Variants in CACNA2D3 observed in about 807,000 individuals in gnomAD.
CACNA2D3 encodes calcium voltage-gated channel auxiliary subunit alpha2delta 3, also known as voltage-dependent calcium channel subunit alpha-2/delta-3.
In CACNA2D3, 60 loss-of-function variants were observed where a neutral mutation model predicts 160.6. The observed-to-expected ratio is 0.37, with a 90% CI of 0.30 to 0.46. The LOEUF is 0.46. Ranked by LOEUF, CACNA2D3 falls within the 20% of genes least tolerant of loss-of-function variation. The pLI is 1.00. For synonymous variants in CACNA2D3, 558 were observed against 492.9 expected (o/e 1.13, Z -1.75); for missense variants, 1,205 against 1,365.0 (o/e 0.88, Z 1.85).
chr3:55,061,003 G>A (rs1704493673), intron 35 of CACNA2D3, among the ~76,000 whole-genome samples: 1 of 152,162 alleles, frequency 6.6e-6, no homozygotes, highest in African/African-American at 2.4e-5. Context: ...TTTTCAAGCT[G>A]TAGGTCGGCA....
rs141148927 is a variant in CACNA2D3 at position 54,869,721 on chromosome 3, C to G, written c.1627-1818C>G. ...CAGGGGGACACTACTATCCCTGCCC[C>G]GCACTCCTCCACACTGAGGGGCAAG... On this transcript the variant is annotated intron_variant, in intron 17 of 37. Transcript: ENST00000474759. Among the ~76,000 whole-genome samples the G allele has an allele frequency of 4.0e-4, 61 of 152,296 alleles. No homozygotes were observed. In the East Asian group the frequency reaches 9.7e-3, roughly 24 times the overall value.
intron 4 of CACNA2D3, among the ~76,000 whole-genome samples, chr3:54,413,253 C>T (rs1287958677): frequency 4.0e-5 from 6 of 151,338 alleles, no homozygotes; most frequent in Admixed American, 2.6e-4. Context: ...GATGATATAT[C>T]CGCCAACATT....
chr3:54,824,564 C>G (rs1703709963), intron 14 of CACNA2D3, among the ~76,000 whole-genome samples: 1 of 152,214 alleles, frequency 6.6e-6, no homozygotes. Flanking sequence ...GCCCATCGCT[C>G]TTAAGACTAA....
intron 2 of CACNA2D3, among the ~76,000 whole-genome samples, chr3:54,252,699 C>G (rs1225580206): frequency 1.3e-5 from 2 of 152,170 alleles, no homozygotes; most frequent in Non-Finnish European, 2.9e-5. Flanking sequence ...ATATAGTTCC[C>G]CTGCCATCTC....
intron 4 of CACNA2D3, among the ~76,000 whole-genome samples, chr3:54,429,217 C>A (rs1245331352): frequency 1.3e-5 from 2 of 151,992 alleles, no homozygotes; most frequent in Non-Finnish European, 2.9e-5. Flanking sequence ...GGGATAGGAT[C>A]CTCAAATTTA....
chr3:54,229,769 C>T (rs1401498928), intron 2 of CACNA2D3, among the ~76,000 whole-genome samples: 6 of 152,114 alleles, frequency 3.9e-5, no homozygotes, highest in East Asian at 1.9e-4. Context: ...GAGTATCTGT[C>T]GTCTTGGCAG....
At chr3:54,581,944 A>G (rs6782115) in intron 9 of CACNA2D3, 67 bp downstream of exon 9, 473,320 of 1,340,924 alleles carry the variant, frequency 0.35, 85,880 homozygotes, top group Admixed American at 0.48. Flanking sequence ...TGATTGTTTC[A>G]CAATAAATCT....
chr3:54,512,029 C>T (rs11130423), intron 5 of CACNA2D3, among the ~76,000 whole-genome samples: 84,084 of 151,900 alleles, frequency 0.55, 24,444 homozygotes, highest in Non-Finnish European at 0.64. Flanking sequence ...TGGGCTGACT[C>T]AGTTAGTTAT....
chr3:54,958,427 G>A (rs1250075570), intron 27 of CACNA2D3, among the ~76,000 whole-genome samples: 2 of 152,138 alleles, frequency 1.3e-5, no homozygotes, highest in African/African-American at 2.4e-5. Context: ...GTCAAAGTCA[G>A]TTTATTCCCT....
At chr3:54,801,304 A>G (rs1322134544) in intron 13 of CACNA2D3, among the ~76,000 whole-genome samples, 1 of 152,154 alleles carries the variant, frequency 6.6e-6, no homozygotes, top group Non-Finnish European at 1.5e-5. Context: ...ATCTTTAAAA[A>G]TGAAGGTGTT....
Position 54,122,753 on chromosome 3 carries a change from G to T in CACNA2D3, c.40G>T (p.Ala14Ser). The T allele has an allele frequency of 8.2e-7, 1 of 1,221,760 alleles. No individual in the cohort carries two copies. The highest frequency in any genetic ancestry group is 4.1e-5 in the South Asian group (1 of 24,186). 75.7% of individuals were successfully genotyped at this position (1,221,760 alleles called of 1,614,324 possible). ...CTCGCCGCGCCGCGCGTCCCGGGGG[G>T]CCTCGGCGCTTCTCGCTGCCGCGCT... ...PGSPRRASRG[A>S]SALLAAALLY... The change falls in exon 1 of 38, where the codon GCC (alanine) becomes TCC (serine). Residue 14 changes from alanine (A) to serine (S), a missense_variant. By Grantham distance (99) the Ala-to-Ser change is moderately conservative. Coordinates refer to ENST00000474759, the MANE Select transcript of CACNA2D3 (RefSeq NM_018398.3).
At chr3:54,808,087 G>A (rs1021662613) in intron 13 of CACNA2D3, among the ~76,000 whole-genome samples, 14 of 148,946 alleles carry the variant, frequency 9.4e-5, no homozygotes, top group African/African-American at 3.5e-4. Context: ...GATAGCATTA[G>A]GAGATATACC....
chr3:54,690,398 G>A (rs1241923934), intron 11 of CACNA2D3, among the ~76,000 whole-genome samples: 1 of 152,064 alleles, frequency 6.6e-6, no homozygotes. Flanking sequence ...ACACAGGGAT[G>A]GGGATCTTTG....
At chr3:54,713,085 C>T (rs1230410332) in intron 11 of CACNA2D3, among the ~76,000 whole-genome samples, 1 of 152,180 alleles carries the variant, frequency 6.6e-6, no homozygotes, top group East Asian at 1.9e-4. Flanking sequence ...AGAACAGTGC[C>T]AGTCACATAA....
chr3:54,184,712 C>CT (rs1700849337), intron 2 of CACNA2D3, among the ~76,000 whole-genome samples: 1 of 152,168 alleles, frequency 6.6e-6, no homozygotes, highest in African/African-American at 2.4e-5. Context: ...TTCTTCAGTT[C>CT]TTATCTCTTC....
At chr3:54,212,546 A>G (rs1701394817) in intron 2 of CACNA2D3, among the ~76,000 whole-genome samples, 1 of 152,102 alleles carries the variant, frequency 6.6e-6, no homozygotes, top group African/African-American at 2.4e-5. Flanking sequence ...ATAGATTGTA[A>G]ATGTTTCTTT....
In CACNA2D3 at chr3:54,838,165, G is replaced by A. The variant is rs541104479; in HGVS notation, c.1471-403G>A. ...TCTCTCCTGGGCACCAGATGGCAGT[G>A]TAAATTGAGAAAGCAGTTAACATGC... On this transcript the variant is annotated intron_variant, in intron 15 of 37. Transcript: ENST00000474759. Among the ~76,000 whole-genome samples, 123 of 152,218 alleles carry A rather than the reference G, an allele frequency of 8.1e-4. 1 individual carries two copies. The highest frequency in any genetic ancestry group is 2.6e-4 in the Non-Finnish European group (18 of 68,040).
intron 11 of CACNA2D3, among the ~76,000 whole-genome samples, chr3:54,645,208 A>G (rs1480877810): frequency 1.3e-5 from 2 of 152,146 alleles, no homozygotes; most frequent in African/African-American, 4.8e-5. Flanking sequence ...GTGAAGGGGA[A>G]AGAGCCTCTT....
At chr3:54,393,558 A>G (rs1699318873) in intron 4 of CACNA2D3, among the ~76,000 whole-genome samples, 2 of 152,128 alleles carry the variant, frequency 1.3e-5, no homozygotes, top group African/African-American at 4.8e-5. Flanking sequence ...TAGCTGCTCT[A>G]CCTACCCCTC....
Sources: gnomAD v4.1 joint callset for allele counts (sites outside exome capture counted in the v4.1 genomes callset) on GRCh38, gnomAD v4.1.1 for gene constraint, MANE v1.5 for transcripts, NCBI Gene and HGNC (gene_info 2026-07-23, HGNC 2026-07-21) for gene names.